TSBP1: variants seen among roughly 807,000 people sequenced by gnomAD.
TSBP1 encodes testis-expressed basic protein 1.
A neutral mutation model predicts 68.8 loss-of-function variants in TSBP1; 56 were observed. The ratio of observed to expected loss-of-function variants is 0.81; its 90% CI spans 0.66 to 1.02. TSBP1 has a LOEUF of 1.02. TSBP1 is among the 50% of genes least tolerant of loss of function. TSBP1 has a pLI of 0.00. For missense variants in TSBP1, 502 were observed against 641.2 expected (o/e 0.78, Z 2.34); for synonymous variants, 171 against 208.7 (o/e 0.82, Z 1.56).
chr6:32,305,486 T>G (rs1374972108), intron 19 of TSBP1, among the ~76,000 whole-genome samples: 1 of 152,192 alleles, frequency 6.6e-6, no homozygotes, highest in Non-Finnish European at 1.5e-5. Context: ...AATTTTCAGT[T>G]GGTCTGGCAA....
At position 32,306,154 on chromosome 6, in the gene TSBP1, A is replaced by G. The variant is rs1197540083; in HGVS notation, c.581-3525T>C. On this transcript the variant is annotated intron_variant, in intron 19 of 22. Coordinates refer to ENST00000612031, the Ensembl canonical transcript of TSBP1. This position sits in a 1 kb window ranked among gnomAD's most constrained non-coding sequence, Gnocchi z 5.1. ...ATGTAAGTTAGGACAATTTTAGAAC[A>G]CTAAGATAAAATGCAAAAACAGCAA... is the stretch of plus-strand genomic sequence containing the variant. 1.3e-5 allele frequency among the ~76,000 whole-genome samples: 2 copies of G among 152,242 alleles called. No homozygotes were observed. Among genetic ancestry groups the G allele is most frequent in the African/African-American group, 4.8e-5 (2 of 41,464 alleles).
chr6:32,367,555 T>C (rs1773893591), intron 4 of TSBP1, among the ~76,000 whole-genome samples: 2 of 152,222 alleles, frequency 1.3e-5, no homozygotes, highest in Admixed American at 6.5e-5. Context: ...ATAAGCTTTG[T>C]TTACCTCTTC....
rs1315037206 is a variant in TSBP1 at position 32,324,954 on chromosome 6, CAAAT to C, written c.515-1344_515-1341del. Among the ~76,000 whole-genome samples the C allele has an allele frequency of 3.3e-5, 5 of 151,996 alleles. No individual in the cohort carries two copies. The East Asian group carries it at 7.7e-4, about 23-fold the overall frequency. On this transcript the variant is annotated intron_variant, in intron 16 of 22. Coordinates refer to ENST00000612031, the Ensembl canonical transcript of TSBP1. ...CTTTGATAAGTGCACCACAGAGAAA[CAAAT>C]AAATAACTGACTAATTGCCTGTATA... is the stretch of plus-strand genomic sequence containing the variant.
In TSBP1 at chr6:32,335,320, G is replaced by T; in HGVS notation, c.472+117C>A. 1 of 883,906 alleles carries T rather than the reference G, an allele frequency of 1.1e-6. No individual in the cohort carries two copies. Among genetic ancestry groups the T allele is most frequent in the Non-Finnish European group, 1.6e-6 (1 of 625,830 alleles). The allele number at this position is 883,906 out of a possible 1,614,324, so 54.8% of individuals were successfully genotyped here. On this transcript the variant is annotated intron_variant, in intron 14 of 22. Coordinates refer to ENST00000612031, the Ensembl canonical transcript of TSBP1. The surrounding 1 kb of genome is among the most constrained non-coding windows in gnomAD (Gnocchi z 5.5). ...AATCTGGAGTACTGGGTGAGATTAT[G>T]AGGTGGCAGAAGGACTTGATCCTTG...
At chr6:32,350,609 G>A (rs1423751447) in intron 8 of TSBP1, among the ~76,000 whole-genome samples, 1 of 152,292 alleles carries the variant, frequency 6.6e-6, no homozygotes, top group African/African-American at 2.4e-5. Flanking sequence ...AAGGCCATAG[G>A]CCTCATGCAT....
chr6:32,293,989 A>G, exon 23 of TSBP1: 3 of 1,612,334 alleles, frequency 1.9e-6, no homozygotes, highest in Non-Finnish European at 2.5e-6. Context: ...GGATTTTGGA[A>G]CAAGATTTTT....
rs116592349 is a variant in TSBP1 at position 32,306,206 on chromosome 6, C to T, written c.581-3577G>A. Reference sequence around the variant, plus strand: ...CATGGAATTTTTGAAACTAACTGTACGACTAAGGGGGAATTATGTAAACAA... The same window carrying T: ...CATGGAATTTTTGAAACTAACTGTATGACTAAGGGGGAATTATGTAAACAA... On this transcript the variant is annotated intron_variant, in intron 19 of 22. Coordinates refer to ENST00000612031, the Ensembl canonical transcript of TSBP1. The surrounding 1 kb of genome is among the most constrained non-coding windows in gnomAD (Gnocchi z 5.1). Among the ~76,000 whole-genome samples the T allele has an allele frequency of 0.039, 6,004 of 152,144 alleles. 341 individuals are homozygous for T. Among genetic ancestry groups the T allele is most frequent in the African/African-American group, 0.12 (5,149 of 41,468 alleles).
intron 19 of TSBP1, among the ~76,000 whole-genome samples, chr6:32,311,090 AC>A (rs34606527): frequency 1.3e-5 from 2 of 150,356 alleles, no homozygotes; most frequent in Non-Finnish European, 3.0e-5. Context: ...GTGCTGCGAG[AC>A]CCCCCCTTTA....
chr6:32,301,715 A>ATTTTT (rs2127563825), intron 20 of TSBP1, among the ~76,000 whole-genome samples: 1 of 151,530 alleles, frequency 6.6e-6, no homozygotes, highest in African/African-American at 2.4e-5. Context: ...GTTTTAAAAA[A>ATTTTT]AAAAAAAAAG....
chr6:32,295,009 A>G (rs1251147612), intron 22 of TSBP1, among the ~76,000 whole-genome samples: 1 of 152,112 alleles, frequency 6.6e-6, no homozygotes, highest in Non-Finnish European at 1.5e-5. Flanking sequence ...AATATTTACT[A>G]TAGTAGAAAG....
Position 32,306,426 on chromosome 6 carries a change from G to T in TSBP1, c.581-3797C>A, listed in dbSNP as rs559241657. 1.3e-5 allele frequency among the ~76,000 whole-genome samples: 2 copies of T among 152,032 alleles called. No homozygotes were observed. The highest frequency in any genetic ancestry group is 4.8e-5 in the African/African-American group (2 of 41,454). ...CCTCCAGCCAGCCTGAAAGACATTA[G>T]AAGGGTGGTACTTTAGAATGCTGGT... On this transcript the variant is annotated intron_variant, in intron 19 of 22. Transcript: ENST00000612031. The surrounding 1 kb of genome is among the most constrained non-coding windows in gnomAD (Gnocchi z 5.1).
chr6:32,355,586 A>G (rs1249288563), intron 7 of TSBP1, 63 bp downstream of exon 7: 1 of 1,571,308 alleles, frequency 6.4e-7, no homozygotes, highest in Non-Finnish European at 8.6e-7. Flanking sequence ...CAAAGCATTT[A>G]CAATCTAGGG....
intron 19 of TSBP1, among the ~76,000 whole-genome samples, chr6:32,307,778 G>GTT (rs9279569): frequency 6.1e-5 from 9 of 146,556 alleles, no homozygotes; most frequent in East Asian, 2.0e-4. Context: ...TAATTGCCTG[G>GTT]TTTTTTTTTT....
rs780802574 is a variant in TSBP1 at position 32,314,923 on chromosome 6, C to A, written c.580+849G>T. Among the ~76,000 whole-genome samples the A allele has an allele frequency of 6.6e-6, 1 of 152,196 alleles. No individual in the cohort carries two copies. Among genetic ancestry groups the A allele is most frequent in the African/African-American group, 2.4e-5 (1 of 41,454 alleles). On this transcript the variant is annotated intron_variant, in intron 19 of 22. Transcript: ENST00000612031. The surrounding 1 kb of genome is among the most constrained non-coding windows in gnomAD (Gnocchi z 4.2). ...CAGCAGCTACCTTCTTCAGACTATG[C>A]GTGTCCTCCCAGTTTAACACAGTTC...
chr6:32,360,883 C>CTTTTTTTTTTTTTTTT (rs35899943), intron 6 of TSBP1, among the ~76,000 whole-genome samples: 1 of 150,302 alleles, frequency 6.7e-6, no homozygotes. Flanking sequence ...TTCTCTCTCT[C>CTTTTTTTTTTTTTTTT]TTTTTTTTTA....
Position 32,302,571 on chromosome 6 carries a change from C to T in TSBP1, c.601+38G>A, listed in dbSNP as rs202038933. ...AAAAAATTTGCTCACCCCAGCCCTA[C>T]AAGAAACTAATGTAATAAAAATATA... is the stretch of plus-strand genomic sequence containing the variant. On this transcript the variant is annotated intron_variant, in intron 20 of 22. Coordinates refer to ENST00000612031, the Ensembl canonical transcript of TSBP1. The surrounding 1 kb of genome is among the most constrained non-coding windows in gnomAD (Gnocchi z 5.1). 5.7e-4 allele frequency: 799 copies of T among 1,403,914 alleles called. No homozygotes were observed. Among genetic ancestry groups the T allele is most frequent in the Non-Finnish European group, 7.3e-4 (733 of 1,007,504 alleles). 87.0% of individuals were successfully genotyped at this position (1,403,914 alleles called of 1,614,324 possible).
rs3864300 is a variant in TSBP1, at chr6:32,304,030, G to T, written c.581-1401C>A. Among the ~76,000 whole-genome samples the T allele has an allele frequency of 0.21, 32,023 of 151,808 alleles. 3,565 individuals are homozygous for T. Among genetic ancestry groups the T allele is most frequent in the East Asian group, 0.22 (1,158 of 5,160 alleles). On this transcript the variant is annotated intron_variant, in intron 19 of 22. Transcript: ENST00000612031. This position sits in a 1 kb window ranked among gnomAD's most constrained non-coding sequence, Gnocchi z 4.8. ...ATATTTTCCCAGCATTATTTCCTCTGGCTTCTCTTTTGCAACTTAACTCTC... is the reference window on the plus strand; with the variant it reads ...ATATTTTCCCAGCATTATTTCCTCTTGCTTCTCTTTTGCAACTTAACTCTC...
chr6:32,354,202 T>C (rs1772019188), intron 8 of TSBP1, among the ~76,000 whole-genome samples: 1 of 148,896 alleles, frequency 6.7e-6, no homozygotes. Flanking sequence ...ACATAACATA[T>C]AAAAGTTGAT....
At chr6:32,320,156 T>C (rs1395403664) in intron 18 of TSBP1, 1 of 456,172 alleles carries the variant, frequency 2.2e-6, no homozygotes, top group South Asian at 1.6e-5. Context: ...TTCTATGATA[T>C]AAATACCCTG....
Sources: gnomAD v4.1 joint callset for allele counts (sites outside exome capture counted in the v4.1 genomes callset) on GRCh38, gnomAD v4.1.1 for gene constraint, Gnocchi (gnomAD v3.1) non-coding constraint, MANE v1.5 for transcripts, NCBI Gene and HGNC (gene_info 2026-07-23, HGNC 2026-07-21) for gene names.